Variants in CTNNA3 observed in about 807,000 individuals in gnomAD.
CTNNA3 encodes the protein catenin alpha-3.
CTNNA3 carries 76 observed loss-of-function variants against 95.7 expected under a neutral mutation model. The observed-to-expected ratio is 0.79, with a 90% CI of 0.66 to 0.96. The LOEUF is 0.96. CTNNA3 is among the 40% of genes least tolerant of loss of function. The probability of loss-of-function intolerance (pLI) is 0.00; values close to 1 mark genes in which losing one functional copy is unlikely to be tolerated. For synonymous variants in CTNNA3, 431 were observed against 374.4 expected, an observed-to-expected ratio of 1.15 and a Z score of -1.74; for missense variants, 1,191 against 1,089.8, an observed-to-expected ratio of 1.09 and a Z score of -1.31.
At chr10:66,249,697 C>T (rs534591313) in intron 13 of CTNNA3, among the ~76,000 whole-genome samples, 3 of 152,158 alleles carry the variant, frequency 2.0e-5, no homozygotes, top group African/African-American at 7.2e-5. Flanking sequence ...TAAATTAGTA[C>T]AACCACCATG....
intron 7 of CTNNA3, among the ~76,000 whole-genome samples, chr10:67,078,198 C>A (rs536578767): frequency 6.6e-6 from 1 of 152,290 alleles, no homozygotes; most frequent in East Asian, 1.9e-4. Flanking sequence ...TTTGCTTGAT[C>A]TCAGTAAACA....
chr10:66,417,343 T>C (rs952772222), intron 11 of CTNNA3, among the ~76,000 whole-genome samples: 2 of 152,040 alleles, frequency 1.3e-5, no homozygotes, highest in East Asian at 3.9e-4. Flanking sequence ...CAATTCTAAA[T>C]ATATATGCAC....
intron 10 of CTNNA3, among the ~76,000 whole-genome samples, chr10:66,522,881 A>T (rs1044429799): frequency 6.6e-6 from 1 of 152,120 alleles, no homozygotes; most frequent in South Asian, 2.1e-4. Context: ...CTCTCATACA[A>T]TGACAACAAT....
At chr10:66,377,033 C>G (rs2092800953) in intron 12 of CTNNA3, among the ~76,000 whole-genome samples, 1 of 152,084 alleles carries the variant, frequency 6.6e-6, no homozygotes, top group South Asian at 2.1e-4. Flanking sequence ...AATTAGTTTT[C>G]TCATCTAATT....
At chr10:66,389,199 T>G (rs916258070) in intron 11 of CTNNA3, among the ~76,000 whole-genome samples, 6 of 150,748 alleles carry the variant, frequency 4.0e-5, no homozygotes, top group Admixed American at 4.0e-4. Flanking sequence ...GTCATTTGGT[T>G]CTCTCCTCAA....
intron 10 of CTNNA3, among the ~76,000 whole-genome samples, chr10:66,576,431 G>T (rs1169328256): frequency 2.6e-5 from 4 of 151,964 alleles, no homozygotes; most frequent in Non-Finnish European, 4.4e-5. Flanking sequence ...CCATCACCAA[G>T]GTAGTGAGCA....
intron 9 of CTNNA3, among the ~76,000 whole-genome samples, chr10:66,724,267 T>C (rs977984143): frequency 1.3e-5 from 2 of 152,236 alleles, no homozygotes; most frequent in African/African-American, 2.4e-5. Flanking sequence ...CAATTGATAC[T>C]TGTCCTCCTT....
At chr10:66,376,307 G>T (rs1335601719) in intron 12 of CTNNA3, among the ~76,000 whole-genome samples, 1 of 152,120 alleles carries the variant, frequency 6.6e-6, no homozygotes, top group Non-Finnish European at 1.5e-5. Context: ...GACAGGAGGA[G>T]GAGCTTAGTA....
chr10:66,296,065 C>G (rs1313297704), intron 12 of CTNNA3, among the ~76,000 whole-genome samples: 2 of 151,164 alleles, frequency 1.3e-5, no homozygotes, highest in Non-Finnish European at 2.9e-5. Context: ...AAAACCAAGA[C>G]TGATTTTTAT....
chr10:67,019,849 T>C (rs1852884907), intron 7 of CTNNA3, among the ~76,000 whole-genome samples: 1 of 152,206 alleles, frequency 6.6e-6, no homozygotes, highest in Admixed American at 6.5e-5. Context: ...ACAAATCTGT[T>C]CCTCTTCCGT....
intron 7 of CTNNA3, among the ~76,000 whole-genome samples, chr10:66,836,416 A>G (rs1048362037): frequency 6.6e-6 from 1 of 152,148 alleles, no homozygotes; most frequent in Non-Finnish European, 1.5e-5. Context: ...ATTTCTCACA[A>G]TAAAACTCAT....
chr10:67,455,122 C>T (rs1393489810), intron 5 of CTNNA3, among the ~76,000 whole-genome samples: 2 of 152,090 alleles, frequency 1.3e-5, no homozygotes, highest in African/African-American at 2.4e-5. Context: ...TTCGATTGTA[C>T]TTTCTATTAT....
At chr10:66,513,532 A>G (rs920795847) in intron 11 of CTNNA3, among the ~76,000 whole-genome samples, 2 of 152,192 alleles carry the variant, frequency 1.3e-5, no homozygotes, top group African/African-American at 4.8e-5. Context: ...ACCAGTTCTC[A>G]GGATCCTGGG....
At chr10:66,401,286 G>C (rs559390374) in intron 11 of CTNNA3, among the ~76,000 whole-genome samples, 1 of 152,002 alleles carries the variant, frequency 6.6e-6, no homozygotes, top group African/African-American at 2.4e-5. Context: ...CAGCACGCTG[G>C]GAGGCTGAGG....
At chr10:65,992,761 C>T (rs919595866) in intron 15 of CTNNA3, among the ~76,000 whole-genome samples, 2 of 151,794 alleles carry the variant, frequency 1.3e-5, no homozygotes, top group South Asian at 4.1e-4. Flanking sequence ...ATCTTTATTA[C>T]TTATTTTCTT....
At chr10:67,391,065 G>T (rs1448802289) in intron 5 of CTNNA3, among the ~76,000 whole-genome samples, 1 of 150,198 alleles carries the variant, frequency 6.7e-6, no homozygotes, top group African/African-American at 2.4e-5. Flanking sequence ...GGGCAATTAG[G>T]CAGGAGAAGG....
intron 7 of CTNNA3, among the ~76,000 whole-genome samples, chr10:67,040,569 T>C (rs1172496289): frequency 1.3e-5 from 2 of 152,100 alleles, no homozygotes; most frequent in Admixed American, 6.6e-5. Flanking sequence ...CTTCTGAAAA[T>C]ATAAGATGGA....
intron 4 of CTNNA3, among the ~76,000 whole-genome samples, chr10:67,535,090 T>A (rs984796214): frequency 2.0e-5 from 3 of 152,158 alleles, no homozygotes; most frequent in Non-Finnish European, 4.4e-5. Flanking sequence ...ATTTCCTTTA[T>A]AACTGGGATT....
intron 17 of CTNNA3, among the ~76,000 whole-genome samples, chr10:65,940,488 T>C (rs1446708836): frequency 2.6e-5 from 4 of 152,194 alleles, no homozygotes; most frequent in African/African-American, 4.8e-5. Flanking sequence ...GATTATGTTG[T>C]TCAACATATA....
Sources: gnomAD v4.1 joint callset for allele counts (sites outside exome capture counted in the v4.1 genomes callset) on GRCh38, gnomAD v4.1.1 for gene constraint, MANE v1.5 for transcripts, NCBI Gene and HGNC (gene_info 2026-07-23, HGNC 2026-07-21) for gene names.